MAST4: variants seen among roughly 807,000 people sequenced by gnomAD.
The protein encoded by MAST4 is microtubule-associated serine/threonine-protein kinase 4.
A neutral mutation model predicts 162.7 loss-of-function variants in MAST4; 89 were observed. The ratio of observed to expected loss-of-function variants is 0.55; its 90% CI spans 0.46 to 0.65. MAST4 has a LOEUF of 0.65. Among genes scored for constraint, MAST4 ranks in the 30% least tolerant of loss-of-function variants. The pLI is 0.00. For missense variants in MAST4, 3,153 were observed against 3,374.0 expected (o/e 0.93, Z 1.62); for synonymous variants, 1,479 against 1,361.1 (o/e 1.09, Z -1.91).
chr5:67,005,176 G>C lies in MAST4; in HGVS notation c.675-49228G>C. 5 of 711,964 alleles carry C rather than the reference G, an allele frequency of 7.0e-6. No homozygotes were observed. In the East Asian group the frequency reaches 1.3e-4, roughly 19 times the overall value. The allele number at this position is 711,964 out of a possible 1,614,324, so 44.1% of individuals were successfully genotyped here. A position where few individuals can be genotyped will look rare whatever the true frequency, so the allele number is the denominator to read the frequency against. On this transcript the variant is annotated intron_variant, in intron 4 of 28. Transcript: ENST00000403625. ...GCTGCCTGAGCCCCTCAGGAGCTGG[G>C]GTTTTGTGTATTGGGTGACACTTTG...
chr5:66,621,053 T>G, intron 1 of MAST4, among the ~76,000 whole-genome samples: 1 of 152,144 alleles, frequency 6.6e-6, no homozygotes. Flanking sequence ...CAGCAGTGTC[T>G]TGTTAAAGTG....
At chr5:66,612,445 G>A (rs1387854511) in intron 1 of MAST4, among the ~76,000 whole-genome samples, 1 of 152,206 alleles carries the variant, frequency 6.6e-6, no homozygotes, top group African/African-American at 2.4e-5. Context: ...GCTAGAGCTG[G>A]TGTGAAACTG....
chr5:67,104,519 A>G lies in MAST4; in HGVS notation c.1300A>G (p.Ile434Val), dbSNP rs1306524302. Residue 434 changes from isoleucine to valine, a missense_variant, in exon 10 of 29, where the codon ATC (isoleucine) becomes GTC (valine). Around this residue, in one of 7 missense-constraint regions of MAST4, gnomAD observed 360 missense variants for 450.0 expected, o/e 0.80. Transcript: ENST00000403625. The part of the protein sequence containing the change: ...DCLDKSHQGL[I>V]TSRYFLELQH... ...CTTGGATAAATCCCACCAGGGCCTC[A>G]TCACCTCACGATACTTCCTTGAATT... The G allele has an allele frequency of 6.2e-6, 10 of 1,613,894 alleles. No individual in the cohort carries two copies. The African/African-American group carries it at 1.1e-4, about 17-fold the overall frequency.
chr5:66,670,169 G>A lies in MAST4; in HGVS notation c.363+73151G>A, dbSNP rs114275713. Among the ~76,000 whole-genome samples, 157 of 152,152 alleles carry A rather than the reference G, an allele frequency of 1.0e-3. 1 individual carries two copies. The highest frequency in any genetic ancestry group is 3.7e-3 in the African/African-American group (153 of 41,508). On this transcript the variant is annotated intron_variant, in intron 1 of 28. Coordinates refer to ENST00000403625, the MANE Select transcript of MAST4 (RefSeq NM_001164664.2). ...ATTATGAAAAGTGACAGTCCTATGC[G>A]TCTTCATCTTATTCAAAGGAAGTAT...
intron 5 of MAST4, among the ~76,000 whole-genome samples, chr5:67,078,911 A>AATAAATATATATATATATATAT (rs1227485756): frequency 1.0e-4 from 4 of 38,108 alleles, no homozygotes; most frequent in African/African-American, 1.2e-4. Flanking sequence ...TTTTTATATA[A>AATAAATATATATATATATATAT]ATATATATAT....
chr5:66,726,642 A>C (rs1188528290), intron 1 of MAST4, among the ~76,000 whole-genome samples: 3 of 152,024 alleles, frequency 2.0e-5, no homozygotes, highest in African/African-American at 4.8e-5. Context: ...CTAACCCCTG[A>C]TCTAAGGTTC....
chr5:66,622,116 T>G, intron 1 of MAST4, among the ~76,000 whole-genome samples: 1 of 151,284 alleles, frequency 6.6e-6, no homozygotes, highest in Non-Finnish European at 1.5e-5. Flanking sequence ...GAATATGGAG[T>G]GCTGGGGTGT....
Position 67,100,737 on chromosome 5 carries a change from A to G in MAST4, c.1070+145A>G, listed in dbSNP as rs532901050. 14 of 1,025,818 alleles carry G rather than the reference A, an allele frequency of 1.4e-5. 1 individual carries two copies. The South Asian group carries it at 2.0e-4, about 15-fold the overall frequency. The allele number at this position is 1,025,818 out of a possible 1,614,324, so 63.5% of individuals were successfully genotyped here. A position where few individuals can be genotyped will look rare whatever the true frequency, so the allele number is the denominator to read the frequency against. On this transcript the variant is annotated intron_variant, in intron 8 of 28. Coordinates refer to ENST00000403625, the MANE Select transcript of MAST4 (RefSeq NM_001164664.2). ...TATAGTGTGATGTTTCCATGTACACATAATATTGTTAATTACCATTGAAAG... is the reference window on the plus strand; with the variant it reads ...TATAGTGTGATGTTTCCATGTACACGTAATATTGTTAATTACCATTGAAAG...
Position 66,807,880 on chromosome 5 carries a change from C to A in MAST4, c.642+19086C>A, listed in dbSNP as rs2149708685. Among the ~76,000 whole-genome samples, 2 of 152,320 alleles carry A rather than the reference C, an allele frequency of 1.3e-5. 1 individual carries two copies. The highest frequency in any genetic ancestry group is 4.8e-5 in the African/African-American group (2 of 41,578). On this transcript the variant is annotated intron_variant, in intron 3 of 28. Transcript: ENST00000403625. ...GCTTTTGTGTTGGCTGCATTGATAT[C>A]AAAGCCGATATTCCTGGATATCTCT...
chr5:66,668,608 G>A (rs1237234901), intron 1 of MAST4, among the ~76,000 whole-genome samples: 4 of 152,186 alleles, frequency 2.6e-5, no homozygotes, highest in African/African-American at 7.2e-5. Flanking sequence ...AACAATAATA[G>A]TACTAACCCC....
intron 7 of MAST4, among the ~76,000 whole-genome samples, chr5:67,097,256 A>C (rs1048435356): frequency 1.3e-5 from 2 of 152,136 alleles, no homozygotes; most frequent in African/African-American, 4.8e-5. Flanking sequence ...TAATGTTTAA[A>C]ATAATTTTGT....
chr5:67,065,863 T>TC (rs1394138174), intron 5 of MAST4, among the ~76,000 whole-genome samples: 1 of 152,206 alleles, frequency 6.6e-6, no homozygotes, highest in African/African-American at 2.4e-5. Context: ...GCTTTGAAGT[T>TC]CTAAGCTTTC....
chr5:67,049,023 GTA>G (rs10598203), intron 4 of MAST4, among the ~76,000 whole-genome samples: 5,492 of 85,434 alleles, frequency 0.064, 377 homozygotes, highest in East Asian at 0.18. Context: ...ATATATATAC[GTA>G]TATATATATA....
intron 4 of MAST4, among the ~76,000 whole-genome samples, chr5:66,988,660 A>G (rs1749764143): frequency 6.6e-6 from 1 of 152,212 alleles, no homozygotes; most frequent in African/African-American, 2.4e-5. Flanking sequence ...TGTGGTTAAA[A>G]ACATGGGCAG....
At chr5:66,672,509 G>T (rs1747672869) in intron 1 of MAST4, among the ~76,000 whole-genome samples, 1 of 152,136 alleles carries the variant, frequency 6.6e-6, no homozygotes, top group Non-Finnish European at 1.5e-5. Flanking sequence ...TCTTAAAAAG[G>T]TATATATCCC....
chr5:67,149,297 G>A (rs914667929), intron 23 of MAST4, 92 bp from the exon 24 acceptor site: 48 of 1,157,974 alleles, frequency 4.1e-5, no homozygotes, highest in East Asian at 5.1e-5. Context: ...GTTCTCTGGC[G>A]TTTACTCTTC....
intron 1 of MAST4, among the ~76,000 whole-genome samples, chr5:66,621,128 A>C (rs1198854192): frequency 6.6e-6 from 1 of 152,194 alleles, no homozygotes; most frequent in Non-Finnish European, 1.5e-5. Context: ...GAGGGATCAG[A>C]AATACTTAAG....
intron 7 of MAST4, among the ~76,000 whole-genome samples, chr5:67,097,461 G>T (rs1764591969): frequency 6.6e-6 from 1 of 152,026 alleles, no homozygotes; most frequent in Non-Finnish European, 1.5e-5. Context: ...TCAGAATACG[G>T]TAAGCAGTTT....
chr5:66,879,236 G>A (rs1030656054), intron 3 of MAST4, among the ~76,000 whole-genome samples: 7 of 151,798 alleles, frequency 4.6e-5, no homozygotes, highest in South Asian at 2.1e-4. Flanking sequence ...CCGAGATTGC[G>A]CTACTGCACT....
Sources: gnomAD v4.1 joint callset for allele counts (sites outside exome capture counted in the v4.1 genomes callset) on GRCh38, gnomAD v4.1.1 for gene constraint, gnomAD v4.1.1 regional missense constraint, MANE v1.5 for transcripts, NCBI Gene and HGNC (gene_info 2026-07-23, HGNC 2026-07-21) for gene names.